The following EEF2K variants were observed in gnomAD, a reference collection of about 807,000 sequenced individuals.
EEF2K encodes alternative protein EEF2K.
Under a neutral mutation model 93.8 loss-of-function variants are expected in EEF2K, and 70 were observed. The ratio of observed to expected loss-of-function variants is 0.75; its 90% CI spans 0.62 to 0.91. The LOEUF (loss-of-function observed/expected upper bound fraction) is 0.91, where lower values mean the gene tolerates loss of function less well. EEF2K is among the 40% of genes least tolerant of loss of function. EEF2K has a pLI of 0.00. For synonymous variants in EEF2K, 376 were observed against 380.8 expected, an observed-to-expected ratio of 0.99 and a Z score of 0.15; for missense variants, 935 against 972.9, an observed-to-expected ratio of 0.96 and a Z score of 0.52.
chr16:22,218,891 C>A (rs757838728), intron 1 of EEF2K, among the ~76,000 whole-genome samples: 2 of 141,036 alleles, frequency 1.4e-5, no homozygotes, highest in Admixed American at 1.5e-4. Context: ...GTTGGAAGGC[C>A]GAAGAGGGTG....
At chr16:22,228,272 T>A (rs913775608) in intron 2 of EEF2K, among the ~76,000 whole-genome samples, 3 of 152,148 alleles carry the variant, frequency 2.0e-5, no homozygotes, top group African/African-American at 7.2e-5. Context: ...ATTAATATAT[T>A]TTTTAAAACC....
chr16:22,260,004 C>T (rs574063401), intron 10 of EEF2K, among the ~76,000 whole-genome samples: 11 of 152,136 alleles, frequency 7.2e-5, no homozygotes, highest in Non-Finnish European at 1.6e-4. Flanking sequence ...CCACCTGCCT[C>T]GGCCTCCCAT....
intron 2 of EEF2K, among the ~76,000 whole-genome samples, chr16:22,233,565 T>TA (rs1444000958): frequency 1.3e-5 from 2 of 150,506 alleles, no homozygotes; most frequent in African/African-American, 4.9e-5. Flanking sequence ...TGGGCACCTA[T>TA]AATCCCAGCT....
rs770596342 is a variant in EEF2K, at chr16:22,258,479, T to A, written c.1030-15T>A. 6.2e-7 allele frequency: 1 copy of A among 1,613,612 alleles called. No homozygotes were observed. The highest frequency in any genetic ancestry group is 1.1e-5 in the South Asian group (1 of 91,058). On this transcript the variant is annotated splice_polypyrimidine_tract_variant and intron_variant, in intron 9 of 17. Transcript: ENST00000263026. The stretch of plus-strand genomic sequence containing the variant: ...GGTGTGTGCGTGACATGAGTATCCC[T>A]ATTAATGTCCCTAGCAATCAGCCAA...
At chr16:22,233,192 A>C (rs2047133085) in intron 2 of EEF2K, among the ~76,000 whole-genome samples, 1 of 152,146 alleles carries the variant, frequency 6.6e-6, no homozygotes, top group South Asian at 2.1e-4. Context: ...AGCTCTGTGA[A>C]ACTCGCACGT....
intron 17 of EEF2K, among the ~76,000 whole-genome samples, chr16:22,282,160 C>T (rs540754562): frequency 4.6e-5 from 7 of 152,152 alleles, no homozygotes; most frequent in East Asian, 1.9e-4. Flanking sequence ...ATCATACCAC[C>T]GCACTTCAGC....
intron 1 of EEF2K, among the ~76,000 whole-genome samples, chr16:22,212,844 C>CA (rs1258518194): frequency 3.3e-5 from 5 of 152,094 alleles, no homozygotes. Flanking sequence ...CATAGTGGCA[C>CA]AGGCCTGTAG....
At chr16:22,229,268 GAC>G (rs1407115401) in intron 2 of EEF2K, among the ~76,000 whole-genome samples, 2 of 152,178 alleles carry the variant, frequency 1.3e-5, no homozygotes, top group Admixed American at 1.3e-4. Flanking sequence ...TGGGTACAGA[GAC>G]ATATGTGCAA....
intron 2 of EEF2K, among the ~76,000 whole-genome samples, chr16:22,232,187 A>C (rs1376258982): frequency 6.6e-6 from 1 of 151,950 alleles, no homozygotes; most frequent in Non-Finnish European, 1.5e-5. Context: ...CTGGTCTATC[A>C]AAATTACAGT....
intron 17 of EEF2K, among the ~76,000 whole-genome samples, chr16:22,281,336 C>A (rs941294963): frequency 6.6e-6 from 1 of 151,496 alleles, no homozygotes; most frequent in African/African-American, 2.4e-5. Context: ...AACTCCTATG[C>A]TCAAGCAATT....
chr16:22,231,679 A>G (rs533853296), intron 2 of EEF2K, among the ~76,000 whole-genome samples: 10 of 152,140 alleles, frequency 6.6e-5, no homozygotes, highest in African/African-American at 2.4e-4. Context: ...ATACATTGAT[A>G]AATACCCCCT....
Position 22,266,368 on chromosome 16 carries a change from C to T in EEF2K, c.1441-22C>T, listed in dbSNP as rs1400704876. The T allele has an allele frequency of 3.7e-6, 6 of 1,606,558 alleles. No homozygotes were observed. In the South Asian group the frequency reaches 6.6e-5, roughly 18 times the overall value. Reference sequence around the variant, plus strand: ...CGTCCACCCCCAGCCCCTCGCTTCCCTGGCCGGTTCTTTCCCTTCAGGTAT... The same window carrying T: ...CGTCCACCCCCAGCCCCTCGCTTCCTTGGCCGGTTCTTTCCCTTCAGGTAT... On this transcript the variant is annotated intron_variant, in intron 13 of 17. Coordinates refer to ENST00000263026, the MANE Select transcript of EEF2K (RefSeq NM_013302.5).
chr16:22,272,667 ACTTTT>A (rs1412842566), intron 15 of EEF2K, among the ~76,000 whole-genome samples: 1 of 143,070 alleles, frequency 7.0e-6, no homozygotes, highest in African/African-American at 2.8e-5. Context: ...ACGGATGTGT[ACTTTT>A]TTTTTTTTTT....
chr16:22,257,148 ACTC>A, intron 7 of EEF2K, 102 bp from the exon 8 acceptor site: 2 of 1,563,720 alleles, frequency 1.3e-6, no homozygotes, highest in East Asian at 4.5e-5. Context: ...CCTCTATATA[ACTC>A]CTTGAAGAGA....
intron 17 of EEF2K, among the ~76,000 whole-genome samples, chr16:22,282,489 T>C (rs1413738789): frequency 1.3e-5 from 2 of 152,246 alleles, no homozygotes; most frequent in Admixed American, 6.5e-5. Context: ...AAGTCTCATG[T>C]TGAACTGTAA....
chr16:22,230,112 C>T (rs4783448), intron 2 of EEF2K, among the ~76,000 whole-genome samples: 13,494 of 152,148 alleles, frequency 0.089, 839 homozygotes, highest in East Asian at 0.3. Flanking sequence ...ACACCCACCC[C>T]GAGGAGGACA....
chr16:22,211,361 CT>C (rs1485534627), intron 1 of EEF2K, among the ~76,000 whole-genome samples: 2 of 152,196 alleles, frequency 1.3e-5, no homozygotes, highest in Admixed American at 6.5e-5. Context: ...ATGAGCCAGT[CT>C]TTCCCACTAC....
chr16:22,251,437 G>C, intron 6 of EEF2K, 115 bp downstream of exon 6: 1 of 1,274,432 alleles, frequency 7.8e-7, no homozygotes, highest in South Asian at 1.6e-5. Flanking sequence ...TTTTTGAGAT[G>C]AAGTCTTGCT....
Position 22,246,911 on chromosome 16 carries a change from G to A in EEF2K, c.348-1844G>A, listed in dbSNP as rs538690618. 7.3e-5 allele frequency among the ~76,000 whole-genome samples: 11 copies of A among 151,468 alleles called. No individual in the cohort carries two copies. The East Asian group carries it at 7.8e-4, about 11-fold the overall frequency. On this transcript the variant is annotated intron_variant, in intron 3 of 17. Transcript: ENST00000263026. ...AAATTAGTTGGGCACGGTGGCATGC[G>A]CCTGTAATCCCAGCTACTCAGGAGG...
Sources: gnomAD v4.1 joint callset for allele counts (sites outside exome capture counted in the v4.1 genomes callset) on GRCh38, gnomAD v4.1.1 for gene constraint, MANE v1.5 for transcripts, NCBI Gene and HGNC (gene_info 2026-07-23, HGNC 2026-07-21) for gene names.